Variants in NRG1 observed in about 807,000 individuals in gnomAD.
NRG1 encodes the protein neuregulin 1.
NRG1 carries 18 observed loss-of-function variants against 63.8 expected under a neutral mutation model. The ratio of observed to expected loss-of-function variants is 0.28; its 90% CI spans 0.19 to 0.42. The LOEUF (loss-of-function observed/expected upper bound fraction) is 0.42, where lower values mean the gene tolerates loss of function less well. NRG1 is among the 10% of genes least tolerant of loss of function. The probability of loss-of-function intolerance (pLI) is 1.00; values close to 1 mark genes in which losing one functional copy is unlikely to be tolerated. For missense variants in NRG1, 762 were observed against 814.7 expected (o/e 0.94, Z 0.79); for synonymous variants, 302 against 301.3 (o/e 1.00, Z -0.02).
intron 1 of NRG1, among the ~76,000 whole-genome samples, chr8:31,946,134 C>G (rs1802500524): frequency 6.6e-6 from 1 of 152,186 alleles, no homozygotes; most frequent in Non-Finnish European, 1.5e-5. Context: ...TTTTCTTGCA[C>G]AGCTTTATAA....
At chr8:32,622,977 C>G (rs894774802) in intron 5 of NRG1, among the ~76,000 whole-genome samples, 2 of 152,300 alleles carry the variant, frequency 1.3e-5, no homozygotes, top group Middle Eastern at 3.4e-3. Context: ...GCTGACAGTT[C>G]TTTGCCAGGA....
At chr8:32,349,599 A>G (rs1367279157) in intron 1 of NRG1, among the ~76,000 whole-genome samples, 6 of 152,224 alleles carry the variant, frequency 3.9e-5, no homozygotes, top group Admixed American at 3.3e-4. Flanking sequence ...TCAAAGATCT[A>G]AGAAGAATGA....
chr8:31,657,439 G>C (rs183166457), intron 1 of NRG1, among the ~76,000 whole-genome samples: 1 of 152,294 alleles, frequency 6.6e-6, no homozygotes, highest in East Asian at 1.9e-4. Flanking sequence ...ATCTTGGACA[G>C]ACCAATGGTT....
intron 1 of NRG1, among the ~76,000 whole-genome samples, chr8:32,466,768 A>T (rs531619712): frequency 1.3e-5 from 2 of 152,164 alleles, no homozygotes; most frequent in African/African-American, 2.4e-5. Context: ...TTCTGCTTGG[A>T]TGGACTCACT....
At chr8:32,593,989 C>T (rs1395581143) in intron 1 of NRG1, among the ~76,000 whole-genome samples, 1 of 152,094 alleles carries the variant, frequency 6.6e-6, no homozygotes, top group Non-Finnish European at 1.5e-5. Context: ...ACCTCATCTC[C>T]CAGCCACCAA....
intron 1 of NRG1, among the ~76,000 whole-genome samples, chr8:32,448,561 A>G (rs1203290221): frequency 1.3e-5 from 2 of 152,138 alleles, no homozygotes; most frequent in Non-Finnish European, 2.9e-5. Context: ...TTTAGCCCCT[A>G]AAGCACTGGA....
intron 1 of NRG1, among the ~76,000 whole-genome samples, chr8:31,742,175 C>A (rs188540368): frequency 6.6e-6 from 1 of 151,870 alleles, no homozygotes; most frequent in African/African-American, 2.4e-5. Context: ...GAAATGCATT[C>A]ATATATGGTA....
At chr8:32,412,449 T>C (rs377656769) in intron 1 of NRG1, among the ~76,000 whole-genome samples, 8,671 of 59,378 alleles carry the variant, frequency 0.15, 462 homozygotes, top group Admixed American at 0.24. Context: ...TATATATATA[T>C]ATACATATAT....
intron 1 of NRG1, among the ~76,000 whole-genome samples, chr8:32,579,971 C>T (rs977319215): frequency 6.6e-6 from 1 of 152,118 alleles, no homozygotes; most frequent in Admixed American, 6.6e-5. Context: ...TCTGAGTATT[C>T]CTCTTTAACT....
intron 1 of NRG1, among the ~76,000 whole-genome samples, chr8:31,996,821 T>C (rs904423027): frequency 3.3e-5 from 5 of 151,954 alleles, no homozygotes; most frequent in Non-Finnish European, 5.9e-5. Flanking sequence ...ATTGATTTGT[T>C]GAGTAAGGTA....
At chr8:31,838,217 C>A (rs1286576069) in intron 1 of NRG1, among the ~76,000 whole-genome samples, 3 of 151,992 alleles carry the variant, frequency 2.0e-5, no homozygotes, top group South Asian at 4.1e-4. Flanking sequence ...ATCTTTTTCC[C>A]AGTTATTTGA....
At chr8:32,481,259 G>C (rs1294667235) in intron 1 of NRG1, among the ~76,000 whole-genome samples, 4 of 152,078 alleles carry the variant, frequency 2.6e-5, no homozygotes, top group African/African-American at 9.7e-5. Flanking sequence ...TGGGGGGATT[G>C]CTTGAGCCTG....
intron 1 of NRG1, among the ~76,000 whole-genome samples, chr8:31,661,722 T>G (rs1397550462): frequency 6.6e-6 from 1 of 152,236 alleles, no homozygotes; most frequent in Non-Finnish European, 1.5e-5. Context: ...AAATGTCATC[T>G]GGATGTCCAC....
intron 1 of NRG1, among the ~76,000 whole-genome samples, chr8:32,356,730 G>C (rs1423225723): frequency 1.3e-5 from 2 of 152,208 alleles, no homozygotes; most frequent in Non-Finnish European, 2.9e-5. Flanking sequence ...AGATATTTGT[G>C]AATGTGGCTG....
At chr8:31,734,919 C>T (rs1445825934) in intron 1 of NRG1, among the ~76,000 whole-genome samples, 2 of 152,178 alleles carry the variant, frequency 1.3e-5, no homozygotes, top group Non-Finnish European at 1.5e-5. Flanking sequence ...TATTATGACT[C>T]TAAGGGTCCC....
At chr8:32,567,857 A>G (rs1449410778) in intron 1 of NRG1, among the ~76,000 whole-genome samples, 1 of 152,194 alleles carries the variant, frequency 6.6e-6, no homozygotes, top group Admixed American at 6.5e-5. Flanking sequence ...TTCCACTTGA[A>G]TTGGCAGTGT....
intron 1 of NRG1, among the ~76,000 whole-genome samples, chr8:31,650,617 C>T (rs989941176): frequency 6.6e-6 from 1 of 152,178 alleles, no homozygotes; most frequent in African/African-American, 2.4e-5. Flanking sequence ...GATATGCACT[C>T]TAGAATTTGA....
intron 1 of NRG1, among the ~76,000 whole-genome samples, chr8:32,480,145 A>C (rs185649449): frequency 2.1e-3 from 314 of 152,280 alleles, no homozygotes; most frequent in African/African-American, 7.5e-3. Context: ...TGGTGAAGAG[A>C]GGCTACTGAG....
intron 5 of NRG1, among the ~76,000 whole-genome samples, chr8:32,671,977 T>A (rs1352170697): frequency 1.3e-5 from 2 of 152,164 alleles, no homozygotes; most frequent in Non-Finnish European, 2.9e-5. Context: ...TTTTTCTAAA[T>A]TAACTACACC....
Sources: allele counts gnomAD v4.1 joint callset (sites outside exome capture counted in the v4.1 genomes callset), GRCh38; gene constraint gnomAD v4.1.1; transcripts MANE v1.5; gene names NCBI Gene and HGNC (gene_info 2026-07-23, HGNC 2026-07-21).